Variants in COL20A1 observed in about 807,000 individuals in gnomAD.
COL20A1 encodes collagen alpha-1(XX) chain.
Under a neutral mutation model 152.9 loss-of-function variants are expected in COL20A1, and 164 were observed. The observed-to-expected ratio is 1.07, with a 90% CI of 0.94 to 1.22. The LOEUF is 1.22. Among genes scored for constraint, COL20A1 ranks in the 50% most tolerant of loss-of-function variants. COL20A1 has a pLI of 0.00. For synonymous variants in COL20A1, 864 were observed against 756.0 expected, an observed-to-expected ratio of 1.14 and a Z score of -2.34; for missense variants, 1,873 against 1,744.8, an observed-to-expected ratio of 1.07 and a Z score of -1.31.
chr20:63,313,995 C>T lies in COL20A1; in HGVS notation c.2359-77C>T. On this transcript the variant is annotated intron_variant, in intron 18 of 35. Coordinates refer to ENST00000358894, the MANE Select transcript of COL20A1 (RefSeq NM_020882.4). The surrounding 1 kb of genome is among the most constrained non-coding windows in gnomAD (Gnocchi z 5.9). ...GTGGCAGCTCTGCCATGGCGGGACGCAGAGGGAGGCAGCTGAGCCGCGTGG... is the reference window on the plus strand; with the variant it reads ...GTGGCAGCTCTGCCATGGCGGGACGTAGAGGGAGGCAGCTGAGCCGCGTGG... The T allele has an allele frequency of 1.2e-6, 2 of 1,604,442 alleles. No individual in the cohort carries two copies. The highest frequency in any genetic ancestry group is 1.7e-6 in the Non-Finnish European group (2 of 1,175,444).
chr20:63,295,254 C>T (rs566583799), intron 2 of COL20A1, 65 bp downstream of exon 2: 28 of 1,080,056 alleles, frequency 2.6e-5, no homozygotes, highest in African/African-American at 6.3e-5. Context: ...AGTGCCCACG[C>T]GGGACGAGCC....
chr20:63,304,050 T>C (rs561601603), intron 3 of COL20A1, among the ~76,000 whole-genome samples: 4 of 122,690 alleles, frequency 3.3e-5, no homozygotes, highest in African/African-American at 1.3e-4. Flanking sequence ...CCTCCCTCTC[T>C]TCCTCCCTCC....
chr20:63,311,599 T>C lies in COL20A1; in HGVS notation c.1540-26T>C, dbSNP rs1430744106. 1 of 1,609,964 alleles carries C rather than the reference T, an allele frequency of 6.2e-7. No homozygotes were observed. The highest frequency in any genetic ancestry group is 2.2e-5 in the East Asian group (1 of 44,800). ...GGAGTGGGGCAGAGCGAGTGGGGGC[T>C]GGCCTGGGACGTCATGTCTCTGCAG... On this transcript the variant is annotated intron_variant, in intron 12 of 35. Coordinates refer to ENST00000358894, the MANE Select transcript of COL20A1 (RefSeq NM_020882.4). The surrounding 1 kb of genome is among the most constrained non-coding windows in gnomAD (Gnocchi z 4.4).
intron 3 of COL20A1, among the ~76,000 whole-genome samples, chr20:63,301,945 C>T (rs2067867583): frequency 6.6e-6 from 1 of 152,066 alleles, no homozygotes; most frequent in African/African-American, 2.4e-5. Context: ...CTTTTTATTA[C>T]ACTTGTTATA....
At chr20:63,307,685 G>C (rs770994554) in intron 6 of COL20A1, 37 bp downstream of exon 6, 1 of 1,594,796 alleles carries the variant, frequency 6.3e-7, no homozygotes, top group South Asian at 1.1e-5. Flanking sequence ...GCCCCACCCG[G>C]GTGTGGTCCC....
chr20:63,326,853 A>G (rs373349857), intron 31 of COL20A1, 30 bp downstream of exon 31: 4 of 1,453,732 alleles, frequency 2.8e-6, no homozygotes, highest in African/African-American at 3.0e-5. Context: ...CCACCAGCCA[A>G]CCAAAGGTGG....
rs1482731516 is a variant in COL20A1, at chr20:63,314,080, G to T, written c.2367G>T (p.Val789=). ...ACCCTCCCTTCTCCTAGGTCTCTGTGCCAGGAGCCAGGAGCCACGTGACAC... is the reference window on the plus strand; with the variant it reads ...ACCCTCCCTTCTCCTAGGTCTCTGTTCCAGGAGCCAGGAGCCACGTGACAC... ...SGLGPEKSVS[V]PGARSHVTLP... Residue 789 remains valine (V), a synonymous_variant, in exon 19 of 36, where the codon GTG becomes GTT. Transcript: ENST00000358894. 1.2e-6 allele frequency: 2 copies of T among 1,612,682 alleles called. No individual in the cohort carries two copies. The highest frequency in any genetic ancestry group is 8.5e-7 in the Non-Finnish European group (1 of 1,179,746).
At position 63,327,403 on chromosome 20, in the gene COL20A1, C is replaced by G. The variant is rs565239594; in HGVS notation, c.3529-549C>G. On this transcript the variant is annotated intron_variant, in intron 31 of 35. Coordinates refer to ENST00000358894, the MANE Select transcript of COL20A1 (RefSeq NM_020882.4). ...GCACCTCTCCCAACCCCACCCAGGA[C>G]AGACGTGGTGGAGGGGAGGTGGTGG... 7.2e-5 allele frequency: 13 copies of G among 180,108 alleles called. No homozygotes were observed. In the South Asian group the frequency reaches 1.5e-3, roughly 21 times the overall value. 11.2% of individuals were successfully genotyped at this position (180,108 alleles called of 1,614,324 possible).
chr20:63,294,344 C>T (rs1429711847), intron 1 of COL20A1, among the ~76,000 whole-genome samples: 1 of 151,686 alleles, frequency 6.6e-6, no homozygotes, highest in Non-Finnish European at 1.5e-5. Context: ...CCTCTGGGCA[C>T]TGGTCACTGG....
At position 63,306,184 on chromosome 20, in the gene COL20A1, C is replaced by T; in HGVS notation, c.496+145C>T. Reference sequence around the variant, plus strand: ...GAGGCCAGGAAGTTCTTCCTCGTGTCTGACCACACGGTCTCTGACCACGAG... The same window carrying T: ...GAGGCCAGGAAGTTCTTCCTCGTGTTTGACCACACGGTCTCTGACCACGAG... On this transcript the variant is annotated intron_variant, in intron 5 of 35. Transcript: ENST00000358894. This position sits in a 1 kb window ranked among gnomAD's most constrained non-coding sequence, Gnocchi z 6.9. The T allele has an allele frequency of 3.2e-6, 2 of 634,812 alleles. No homozygotes were observed. The highest frequency in any genetic ancestry group is 4.0e-5 in the South Asian group (2 of 49,976). 39.3% of individuals were successfully genotyped at this position (634,812 alleles called of 1,614,324 possible).
chr20:63,294,648 G>A lies in COL20A1; in HGVS notation c.-10-450G>A, dbSNP rs185755773. Among the ~76,000 whole-genome samples, 29 of 152,276 alleles carry A rather than the reference G, an allele frequency of 1.9e-4. No individual in the cohort carries two copies. In the Middle Eastern group the frequency reaches 0.01, roughly 54 times the overall value. ...CTGATGACCCTTCCGCCTCCAGGGC[G>A]AGGCTGGGGCCACAGGGACTCCACA... On this transcript the variant is annotated intron_variant, in intron 1 of 35. Transcript: ENST00000358894.
In COL20A1 at chr20:63,297,006, C is replaced by T. The variant is rs773575496; in HGVS notation, c.83-904C>T. On this transcript the variant is annotated intron_variant, in intron 2 of 35. Coordinates refer to ENST00000358894, the MANE Select transcript of COL20A1 (RefSeq NM_020882.4). ...CCTGGGAGGTTGGCCAGGCCCCTGC[C>T]GCCCCCTCTTCCTCTCAGATGGCCT... Among the ~76,000 whole-genome samples the T allele has an allele frequency of 3.8e-4, 58 of 152,326 alleles. 1 individual carries two copies. The highest frequency in any genetic ancestry group is 7.6e-4 in the Non-Finnish European group (52 of 68,008).
At chr20:63,321,239 C>T (rs565129836) in intron 26 of COL20A1, 140 bp downstream of exon 26, 19 of 612,906 alleles carry the variant, frequency 3.1e-5, no homozygotes, top group Admixed American at 2.2e-4. Flanking sequence ...ATTTCATGAG[C>T]CTCTTCCCTG....
intron 3 of COL20A1, among the ~76,000 whole-genome samples, chr20:63,299,265 C>G (rs766249667): frequency 6.6e-6 from 1 of 152,138 alleles, no homozygotes. Flanking sequence ...GTGGAAGTGC[C>G]ACAGTGTGTG....
rs1047621944 is a variant in COL20A1 at position 63,305,809 on chromosome 20, G to C, written c.338-72G>C. 6.8e-6 allele frequency: 10 copies of C among 1,472,410 alleles called. No individual in the cohort carries two copies. The highest frequency in any genetic ancestry group is 9.5e-6 in the Non-Finnish European group (10 of 1,057,760). The allele number at this position is 1,472,410 out of a possible 1,614,324, so 91.2% of individuals were successfully genotyped here. On this transcript the variant is annotated intron_variant, in intron 4 of 35. Transcript: ENST00000358894. This position sits in a 1 kb window ranked among gnomAD's most constrained non-coding sequence, Gnocchi z 4.9. ...CACCCACAGATGCGCCCTTGAAGGG[G>C]TGTATGTGCAGCTGCCCCAGTGGAC...
intron 1 of COL20A1, among the ~76,000 whole-genome samples, chr20:63,293,822 C>T (rs535408337): frequency 1.3e-4 from 18 of 142,232 alleles, no homozygotes; most frequent in Middle Eastern, 8.4e-3. Flanking sequence ...AGGCCTTTCC[C>T]TTGCAGAGGA....
At chr20:63,316,462 G>C in intron 20 of COL20A1, 91 bp from the exon 21 acceptor site, 1 of 1,075,896 alleles carries the variant, frequency 9.3e-7, no homozygotes, top group Middle Eastern at 2.1e-4. Flanking sequence ...CAGCCCCTGG[G>C]TCCCTCTTGA....
chr20:63,298,665 G>T (rs4809526), intron 3 of COL20A1, among the ~76,000 whole-genome samples: 1 of 151,948 alleles, frequency 6.6e-6, no homozygotes, highest in African/African-American at 2.4e-5. Flanking sequence ...CCTGGACTCC[G>T]CACAGCGAAC....
intron 3 of COL20A1, among the ~76,000 whole-genome samples, chr20:63,300,215 T>C (rs6090352): frequency 1.9e-3 from 283 of 152,356 alleles, no homozygotes; most frequent in African/African-American, 6.6e-3. Context: ...ATCAGCTTTA[T>C]ACCTCATAAG....
Sources: gnomAD v4.1 joint callset for allele counts (sites outside exome capture counted in the v4.1 genomes callset) on GRCh38, gnomAD v4.1.1 for gene constraint, Gnocchi (gnomAD v3.1) non-coding constraint, MANE v1.5 for transcripts, NCBI Gene and HGNC (gene_info 2026-07-23, HGNC 2026-07-21) for gene names.